The following ZRSR2 variants were observed in gnomAD, a reference collection of about 807,000 sequenced individuals.
ZRSR2 encodes the protein zinc finger CCCH-type, RNA binding motif and serine/arginine rich 2.
In ZRSR2, 3 loss-of-function variants were observed where a neutral mutation model predicts 39.4. The observed-to-expected ratio is 0.08, with a 90% CI of 0.03 to 0.20. ZRSR2 has a LOEUF of 0.20. Ranked by LOEUF, ZRSR2 falls within the 10% of genes least tolerant of loss-of-function variation. The pLI, the probability that ZRSR2 is intolerant of heterozygous loss-of-function variation, is 1.00. For synonymous variants in ZRSR2, 137 were observed against 136.0 expected, an observed-to-expected ratio of 1.01 and a Z score of -0.05; for missense variants, 256 against 391.5, an observed-to-expected ratio of 0.65 and a Z score of 2.92.
At chrX:15,800,674 C>T (rs7890490) in intron 3 of ZRSR2, among the ~76,000 whole-genome samples, 3,372 of 111,973 alleles carry the variant, frequency 0.03, 123 homozygotes, top group African/African-American at 0.1. Flanking sequence ...CTATAAATTG[C>T]TTTCTTGCTA....
chrX:15,819,749 G>A (rs999229758), intron 9 of ZRSR2, among the ~76,000 whole-genome samples: 1 of 111,196 alleles, frequency 9.0e-6, no homozygotes, highest in Non-Finnish European at 1.9e-5. Flanking sequence ...TGAAAGAGCC[G>A]GAGATTGAAG....
intron 5 of ZRSR2, among the ~76,000 whole-genome samples, chrX:15,806,004 A>G (rs1344269133): frequency 9.0e-6 from 1 of 111,404 alleles, no homozygotes; most frequent in Non-Finnish European, 1.9e-5. Context: ...TTGTGCTTCT[A>G]TAGATTGCCT....
At chrX:15,794,170 A>G (rs1396506075) in intron 2 of ZRSR2, among the ~76,000 whole-genome samples, 1 of 111,792 alleles carries the variant, frequency 8.9e-6, no homozygotes, top group African/African-American at 3.3e-5. Context: ...TCCCAAATCC[A>G]AAGATCCAAA....
intron 2 of ZRSR2, among the ~76,000 whole-genome samples, chrX:15,796,635 A>G (rs957282485): frequency 9.0e-6 from 1 of 111,251 alleles, no homozygotes; most frequent in East Asian, 2.8e-4. Context: ...GTCTATAAAT[A>G]TAAGTTTTGA....
At chrX:15,808,393 G>A in intron 6 of ZRSR2, 122 bp downstream of exon 6, 1 of 608,555 alleles carries the variant, frequency 1.6e-6, no homozygotes, top group Non-Finnish European at 2.6e-6. Context: ...CTGGACTCAT[G>A]TTTATGATGC....
chrX:15,814,024 A>T (rs778513619), intron 7 of ZRSR2, among the ~76,000 whole-genome samples: 12 of 104,558 alleles, frequency 1.1e-4, no homozygotes, highest in Non-Finnish European at 2.1e-4. Context: ...TTTTCCCAAC[A>T]CGTCCTATTC....
At chrX:15,798,150 C>T (rs749985731) in intron 2 of ZRSR2, among the ~76,000 whole-genome samples, 10 of 112,442 alleles carry the variant, frequency 8.9e-5, no homozygotes, top group African/African-American at 1.3e-4. Context: ...TTGTAATTAT[C>T]TAAGACTGGA....
intron 7 of ZRSR2, among the ~76,000 whole-genome samples, chrX:15,813,139 A>T (rs895917882): frequency 8.9e-6 from 1 of 112,253 alleles, no homozygotes; most frequent in African/African-American, 3.2e-5. Flanking sequence ...AGGAGTAGTC[A>T]GTTAGCTATA....
chrX:15,819,528 G>C, intron 9 of ZRSR2, among the ~76,000 whole-genome samples: 2 of 110,888 alleles, frequency 1.8e-5, no homozygotes, highest in Non-Finnish European at 3.8e-5. Flanking sequence ...AGTGAGGTAT[G>C]ACTGTACCAC....
intron 10 of ZRSR2, 98 bp downstream of exon 10, chrX:15,820,414 T>A (rs987943614): frequency 2.5e-6 from 2 of 800,023 alleles, no homozygotes; most frequent in Non-Finnish European, 3.7e-6. Flanking sequence ...TGGTGAGGCA[T>A]AGCTTTTTGC....
chrX:15,790,827 T>C (rs1697514272), intron 1 of ZRSR2, 107 bp from the exon 2 acceptor site: 2 of 794,982 alleles, frequency 2.5e-6, no homozygotes, highest in Non-Finnish European at 3.7e-6. Context: ...AAGGTTTCTC[T>C]CCTCAGCACC....
intron 2 of ZRSR2, among the ~76,000 whole-genome samples, chrX:15,794,183 T>C (rs1430888611): frequency 3.6e-5 from 4 of 111,637 alleles, no homozygotes; most frequent in Non-Finnish European, 7.5e-5. Context: ...GATCCAAAAT[T>C]CGAAATGCTC....
In ZRSR2 at chrX:15,803,509, G is replaced by A. The variant is rs748114643; in HGVS notation, c.204-179G>A. Among the ~76,000 whole-genome samples the A allele has an allele frequency of 2.7e-5, 3 of 111,282 alleles. No homozygotes were observed. The South Asian group carries it at 1.1e-3, about 42-fold the overall frequency. ...ATTAGGAAGATAGTTGCTGACACGT[G>A]GTGCTTTTCCAAAAGCTCTGCTCTT... On this transcript the variant is annotated intron_variant, in intron 3 of 10. Transcript: ENST00000307771.
chrX:15,811,034 A>AT (rs1300587849), intron 7 of ZRSR2, among the ~76,000 whole-genome samples: 1 of 109,581 alleles, frequency 9.1e-6, no homozygotes, highest in Non-Finnish European at 1.9e-5. Flanking sequence ...GTCCTTTTGT[A>AT]TTTTAGAGGT....
At chrX:15,816,049 A>G (rs185143426) in intron 8 of ZRSR2, among the ~76,000 whole-genome samples, 159 bp downstream of exon 8, 4 of 111,861 alleles carry the variant, frequency 3.6e-5, no homozygotes, top group Non-Finnish European at 7.5e-5. Flanking sequence ...CTTGTTGCCA[A>G]TGTCACGTCA....
intron 3 of ZRSR2, among the ~76,000 whole-genome samples, chrX:15,802,944 G>A (rs913780913): frequency 6.4e-5 from 7 of 110,061 alleles, no homozygotes; most frequent in African/African-American, 1.7e-4. Flanking sequence ...GGTTTTCAGC[G>A]TGCTGCCATC....
chrX:15,815,954 G>A, intron 8 of ZRSR2, 64 bp downstream of exon 8: 2 of 981,766 alleles, frequency 2.0e-6, no homozygotes, highest in Non-Finnish European at 2.8e-6. Flanking sequence ...TGGCACAAGA[G>A]AGCTGGGACA....
intron 6 of ZRSR2, 85 bp from the exon 7 acceptor site, chrX:15,809,115 G>T: frequency 1.4e-6 from 1 of 696,249 alleles, no homozygotes; most frequent in South Asian, 2.3e-5. Flanking sequence ...GTTTATCTTT[G>T]AGGAAAATAT....
Position 15,822,725 on chromosome X carries a change from T to C in ZRSR2, c.938-6T>C. Reference sequence around the variant, plus strand: ...TAAGTGCTGTTTCATCACTGTGCCATTGCAGGTTTATTTGAAATACAACAA... The same window carrying C: ...TAAGTGCTGTTTCATCACTGTGCCACTGCAGGTTTATTTGAAATACAACAA... On this transcript the variant is annotated splice_polypyrimidine_tract_variant and splice_region_variant and intron_variant, in intron 10 of 10. Transcript: ENST00000307771. 1 of 1,212,389 alleles carries C rather than the reference T, an allele frequency of 8.2e-7. No homozygotes were observed. Among genetic ancestry groups the C allele is most frequent in the East Asian group, 3.0e-5 (1 of 33,861 alleles).
Sources: allele counts gnomAD v4.1 joint callset (sites outside exome capture counted in the v4.1 genomes callset), GRCh38; gene constraint gnomAD v4.1.1; transcripts MANE v1.5; gene names NCBI Gene and HGNC (gene_info 2026-07-23, HGNC 2026-07-21).